The following NKAIN3 variants were observed in gnomAD, a reference collection of about 807,000 sequenced individuals.
NKAIN3 encodes the protein sodium/potassium transporting ATPase interacting 3.
A neutral mutation model predicts 30.2 loss-of-function variants in NKAIN3; 25 were observed. The observed-to-expected ratio is 0.83, with a 90% CI of 0.60 to 1.16. The LOEUF (loss-of-function observed/expected upper bound fraction) is 1.16. NKAIN3 is among the 50% of genes most tolerant of loss of function. The pLI, the probability that NKAIN3 is intolerant of heterozygous loss-of-function variation, is 0.00. For missense variants in NKAIN3, 225 were observed against 254.1 expected (o/e 0.89, Z 0.78); for synonymous variants, 91 against 89.6 (o/e 1.02, Z -0.09).
At chr8:62,803,480 A>G (rs1395255002) in intron 4 of NKAIN3, among the ~76,000 whole-genome samples, 1 of 152,218 alleles carries the variant, frequency 6.6e-6, no homozygotes, top group East Asian at 1.9e-4. Flanking sequence ...CCGCTCAACT[A>G]CATGGAAACT....
At chr8:62,438,329 T>C (rs372222376) in intron 1 of NKAIN3, among the ~76,000 whole-genome samples, 214 of 152,342 alleles carry the variant, frequency 1.4e-3, no homozygotes, top group African/African-American at 4.8e-3. Context: ...GTTTATATTT[T>C]GTGTGAGAAA....
At chr8:62,910,573 C>T (rs1247555352) in intron 4 of NKAIN3, among the ~76,000 whole-genome samples, 4 of 152,032 alleles carry the variant, frequency 2.6e-5, no homozygotes, top group African/African-American at 9.7e-5. Context: ...TTATATTATA[C>T]AGATTTCTTA....
At chr8:62,354,673 C>A (rs1456138525) in intron 1 of NKAIN3, among the ~76,000 whole-genome samples, 4 of 152,146 alleles carry the variant, frequency 2.6e-5, no homozygotes, top group Non-Finnish European at 5.9e-5. Context: ...GAACTCCTGA[C>A]CTCAGGTGAT....
At chr8:62,455,790 A>G (rs1050815390) in intron 1 of NKAIN3, among the ~76,000 whole-genome samples, 2 of 152,240 alleles carry the variant, frequency 1.3e-5, no homozygotes, top group African/African-American at 4.8e-5. Context: ...CAAGCTTGTT[A>G]GCCTCAAATA....
rs190373608 is a variant in NKAIN3, at chr8:62,483,379, C to T, written c.55-96160C>T. 9 of 211,846 alleles carry T rather than the reference C, an allele frequency of 4.2e-5. No individual in the cohort carries two copies. In the East Asian group the frequency reaches 7.9e-4, roughly 19 times the overall value. 13.1% of individuals were successfully genotyped at this position (211,846 alleles called of 1,614,324 possible). A position where few individuals can be genotyped will look rare whatever the true frequency, so the allele number is the denominator to read the frequency against. ...CCCTGGCAGACTTTTGTCCACAGGT[C>T]GCTTTCCCCATGTTTCCTTGTAAAC... On this transcript the variant is annotated intron_variant, in intron 1 of 6. Transcript: ENST00000623646.
At chr8:62,785,409 C>T (rs896136371) in intron 4 of NKAIN3, among the ~76,000 whole-genome samples, 1 of 152,082 alleles carries the variant, frequency 6.6e-6, no homozygotes, top group East Asian at 1.9e-4. Flanking sequence ...TCGTCACTTA[C>T]ACTGGGGATG....
rs1815200699 is a variant in NKAIN3, at chr8:62,724,697, C to CAAAT, written c.274-22234_274-22231dup. On this transcript the variant is annotated intron_variant, in intron 3 of 6. Transcript: ENST00000623646. ...ACTTCCAGTTCCATCCATGTTGTTGCAAATGACAGGATCTCATTCTTTGTT... is the reference window on the plus strand; with the variant it reads ...ACTTCCAGTTCCATCCATGTTGTTGCAAATAAATGACAGGATCTCATTCTTTGTT... 2.0e-5 allele frequency among the ~76,000 whole-genome samples: 3 copies of CAAAT among 152,152 alleles called. No homozygotes were observed. The South Asian group carries it at 6.2e-4, about 32-fold the overall frequency.
intron 3 of NKAIN3, among the ~76,000 whole-genome samples, chr8:62,647,285 A>G (rs1812491267): frequency 6.6e-6 from 1 of 152,210 alleles, no homozygotes. Flanking sequence ...AGAAAATAGT[A>G]AATGTTCTGG....
At chr8:62,284,622 C>T (rs1012262287) in intron 1 of NKAIN3, among the ~76,000 whole-genome samples, 9 of 151,880 alleles carry the variant, frequency 5.9e-5, no homozygotes, top group Admixed American at 5.9e-4. Context: ...AACAGCAAAA[C>T]TCTGTCTCAA....
At chr8:62,258,022 CTTATTTTATT>C (rs554327128) in intron 1 of NKAIN3, among the ~76,000 whole-genome samples, 8 of 151,950 alleles carry the variant, frequency 5.3e-5, no homozygotes, top group Admixed American at 1.3e-4. Flanking sequence ...ACATGAACTA[CTTATTTTATT>C]TTATTTTATT....
At chr8:62,707,576 G>GT (rs982910079) in intron 3 of NKAIN3, among the ~76,000 whole-genome samples, 22 of 151,962 alleles carry the variant, frequency 1.4e-4, no homozygotes, top group African/African-American at 5.1e-4. Context: ...GGGATTCTTT[G>GT]TTTTTTTCTT....
chr8:62,636,113 A>G (rs959944129), intron 3 of NKAIN3, among the ~76,000 whole-genome samples: 1 of 152,102 alleles, frequency 6.6e-6, no homozygotes, highest in African/African-American at 2.4e-5. Flanking sequence ...AAAATATACA[A>G]CTGATTTTAT....
intron 1 of NKAIN3, among the ~76,000 whole-genome samples, chr8:62,333,976 G>T (rs540511880): frequency 6.6e-6 from 1 of 152,150 alleles, no homozygotes; most frequent in East Asian, 1.9e-4. Context: ...GACCAGAGGC[G>T]CAGAATGACT....
chr8:62,598,121 C>G (rs1810886732), intron 3 of NKAIN3, among the ~76,000 whole-genome samples: 1 of 151,954 alleles, frequency 6.6e-6, no homozygotes, highest in Non-Finnish European at 1.5e-5. Flanking sequence ...GGTACAAGTT[C>G]TTGATCCATG....
intron 4 of NKAIN3, among the ~76,000 whole-genome samples, chr8:62,747,371 C>A (rs897389320): frequency 6.6e-6 from 1 of 152,106 alleles, no homozygotes; most frequent in African/African-American, 2.4e-5. Context: ...AGATACAGTC[C>A]ACACTATTCA....
chr8:62,462,982 G>T lies in NKAIN3; in HGVS notation c.55-116557G>T, dbSNP rs769602610. Among the ~76,000 whole-genome samples, 50 of 152,132 alleles carry T rather than the reference G, an allele frequency of 3.3e-4. 1 individual carries two copies. The highest frequency in any genetic ancestry group is 6.6e-4 in the Non-Finnish European group (45 of 68,020). ...CATTCCAGTCATTCCCATAAAGACTGCTTTCTCCCAGCTATTTGTGTTCCC... is the reference window on the plus strand; with the variant it reads ...CATTCCAGTCATTCCCATAAAGACTTCTTTCTCCCAGCTATTTGTGTTCCC... On this transcript the variant is annotated intron_variant, in intron 1 of 6. Transcript: ENST00000623646.
At chr8:62,746,881 G>T (rs1195048373) in intron 3 of NKAIN3, 51 bp from the exon 4 acceptor site, 7 of 1,306,958 alleles carry the variant, frequency 5.4e-6, no homozygotes, top group East Asian at 2.3e-5. Flanking sequence ...AGTCAAAGAC[G>T]TGATGTAATA....
intron 1 of NKAIN3, among the ~76,000 whole-genome samples, chr8:62,297,228 A>G (rs1813859702): frequency 6.6e-6 from 1 of 152,218 alleles, no homozygotes; most frequent in African/African-American, 2.4e-5. Context: ...CCTAGAAGAA[A>G]ACCTAGGCAT....
intron 1 of NKAIN3, among the ~76,000 whole-genome samples, chr8:62,265,152 T>C (rs1812564785): frequency 6.6e-6 from 1 of 152,228 alleles, no homozygotes; most frequent in Admixed American, 6.5e-5. Flanking sequence ...TATTCTTAAC[T>C]GTCTACTGCC....
Sources: gnomAD v4.1 joint callset for allele counts (sites outside exome capture counted in the v4.1 genomes callset) on GRCh38, gnomAD v4.1.1 for gene constraint, MANE v1.5 for transcripts, NCBI Gene and HGNC (gene_info 2026-07-23, HGNC 2026-07-21) for gene names.